IGSF9: variants seen among roughly 807,000 people sequenced by gnomAD.
IGSF9 encodes the protein immunoglobulin superfamily member 9.
IGSF9 carries 87 observed loss-of-function variants against 121.7 expected under a neutral mutation model. The observed-to-expected ratio is 0.71, with a 90% CI of 0.60 to 0.85. The LOEUF (loss-of-function observed/expected upper bound fraction) is 0.85. Among genes scored for constraint, IGSF9 ranks in the 40% least tolerant of loss-of-function variants. IGSF9 has a pLI of 0.00. For missense variants in IGSF9, 1,462 were observed against 1,565.3 expected (o/e 0.93, Z 1.11); for synonymous variants, 640 against 648.4 (o/e 0.99, Z 0.20).
At chr1:159,942,692 C>T (rs182170058) in intron 3 of IGSF9, among the ~76,000 whole-genome samples, 8 of 152,158 alleles carry the variant, frequency 5.3e-5, no homozygotes, top group African/African-American at 1.7e-4. Flanking sequence ...TGCAGGATCT[C>T]CTTTGGAACA....
rs1333017870 is a variant in IGSF9, at chr1:159,932,513, T to A, written c.1244A>T (p.Lys415Met). 4 of 1,535,534 alleles carry A rather than the reference T, an allele frequency of 2.6e-6. No homozygotes were observed. Among genetic ancestry groups the A allele is most frequent in the Non-Finnish European group, 3.5e-6 (4 of 1,132,130 alleles). The stretch of plus-strand genomic sequence containing the variant: ...GCCCCCGCCCACCCCCGGCCTAACC[T>A]TGAGCAGCACGCGGGTCACAGGAGA... Reference protein sequence around the residue: ...GPSPVTRVLLKAPPAFIERPK... With the variant: ...GPSPVTRVLLMAPPAFIERPK... The change falls in exon 10 of 21, where the codon AAG (lysine) becomes ATG (methionine). Residue 415 changes from lysine (K) to methionine (M), a missense_variant and splice_region_variant. By Grantham distance (95) the Lys-to-Met change is moderately conservative. This residue lies in a region of IGSF9 where 558 missense variants were observed against 599.4 expected (regional missense o/e 0.93). Transcript: ENST00000368094. The surrounding 1 kb of genome is among the most constrained non-coding windows in gnomAD (Gnocchi z 4.1).
intron 6 of IGSF9, among the ~76,000 whole-genome samples, chr1:159,935,184 GC>G: frequency 6.6e-6 from 1 of 152,042 alleles, no homozygotes; most frequent in East Asian, 1.9e-4. Context: ...TAACCCAGGT[GC>G]CCAATACCTC....
At chr1:159,928,124 G>A (rs1228177836) in intron 19 of IGSF9, 34 bp downstream of exon 19, 1 of 1,593,646 alleles carries the variant, frequency 6.3e-7, no homozygotes, top group African/African-American at 1.3e-5. Flanking sequence ...GTGGGACTGA[G>A]GCGGAGGCAG....
intron 3 of IGSF9, among the ~76,000 whole-genome samples, chr1:159,940,800 G>GA (rs1488054060): frequency 6.6e-6 from 1 of 152,088 alleles, no homozygotes; most frequent in Admixed American, 6.5e-5. Flanking sequence ...TCAGGGCAGA[G>GA]AAAAAAATGC....
intron 3 of IGSF9, among the ~76,000 whole-genome samples, chr1:159,939,559 G>A (rs1232444017): frequency 1.3e-5 from 2 of 152,204 alleles, no homozygotes; most frequent in East Asian, 1.9e-4. Context: ...TGCAAATGCA[G>A]CTCCAAGTCC....
intron 3 of IGSF9, among the ~76,000 whole-genome samples, chr1:159,938,920 G>T (rs1288213320): frequency 6.6e-6 from 1 of 152,032 alleles, no homozygotes; most frequent in Non-Finnish European, 1.5e-5. Flanking sequence ...CTCAAGTCCT[G>T]ACCCTGTCCC....
intron 4 of IGSF9, 83 bp downstream of exon 4, chr1:159,937,603 C>G: frequency 6.7e-7 from 1 of 1,484,622 alleles, no homozygotes; most frequent in Non-Finnish European, 9.3e-7. Flanking sequence ...ATAGAACTCC[C>G]TCTTCCCCTT....
In IGSF9 at chr1:159,929,910, C is replaced by A. The variant is rs1189149170; in HGVS notation, c.2130G>T (p.Thr710=). The part of the protein sequence containing the change: ...AGSFVSDPSN[T]ANVSTSGLEV... ...GCTCACCGGAAGTGGAGACGTTGGC[C>A]GTGTTGCTGGGGTCGCTGACGAAGC... The change falls in exon 16 of 21, where the codon ACG becomes ACT. Residue 710 remains threonine, a synonymous_variant. Transcript: ENST00000368094. 9 of 1,576,356 alleles carry A rather than the reference C, an allele frequency of 5.7e-6. No homozygotes were observed. The highest frequency in any genetic ancestry group is 1.2e-5 in the South Asian group (1 of 86,666).
rs763853097 is a variant in IGSF9 at position 159,928,145 on chromosome 1, G to A, written c.3230+13C>T. 3.1e-6 allele frequency: 5 copies of A among 1,602,792 alleles called. No homozygotes were observed. The Admixed American group carries it at 6.7e-5, about 21-fold the overall frequency. ...CTGAGGCGGAGGCAGGGATGGGCAG[G>A]GACTGCTCTCACCTCTTGCTGACTG... On this transcript the variant is annotated intron_variant, in intron 19 of 20. Coordinates refer to ENST00000368094, the MANE Select transcript of IGSF9 (RefSeq NM_001135050.2).
rs760663053 is a variant in IGSF9 at position 159,928,837 on chromosome 1, C to T, written c.2551G>A (p.Gly851Arg). ...ACAGTGGGCCCCATCACAAAGCGCC[C>T]GTCTGGGCCCCGGCAAATGGGCTCC... ...PLEPICRGPD[G>R]RFVMGPTVAA... Residue 851 changes from glycine (G) to arginine (R), a missense_variant, in exon 19 of 21, where the codon GGG (glycine) becomes AGG (arginine). Coordinates refer to ENST00000368094, the MANE Select transcript of IGSF9 (RefSeq NM_001135050.2). The T allele has an allele frequency of 7.1e-6, 11 of 1,549,652 alleles. No homozygotes were observed. The highest frequency in any genetic ancestry group is 3.4e-4 in the Middle Eastern group (2 of 5,802).
rs1456400525 is a variant in IGSF9, at chr1:159,927,349, AGCAGAGTGGCCTGTTCGGG to A, written c.3517_3535del (p.Pro1173CysfsTer5). On this transcript the variant is annotated frameshift_variant, in exon 21 of 21. Coordinates refer to ENST00000368094, the MANE Select transcript of IGSF9 (RefSeq NM_001135050.2). LOFTEE classifies it high-confidence loss of function. ...ACAGCCTCACATCAGGGATGTTCAC[AGCAGAGTGGCCTGTTCGGG>A]GTGGGGGACTGGCTGTCGATAGGCT... 12 of 1,613,480 alleles carry A rather than the reference AGCAGAGTGGCCTGTTCGGG, an allele frequency of 7.4e-6. No individual in the cohort carries two copies. Among genetic ancestry groups the A allele is most frequent in the Non-Finnish European group, 1.0e-5 (12 of 1,180,034 alleles).
Position 159,929,660 on chromosome 1 carries a change from G to A in IGSF9, c.2304C>T (p.Arg768=), listed in dbSNP as rs766957201. Residue 768 remains arginine, a synonymous_variant, in exon 17 of 21, where the codon CGC becomes CGT. Transcript: ENST00000368094. ...CLLNRRRAAR[R]RRKRLRQDPP... ...TACCTTGGCGGAGGCGCTTGCGGCGGCGGCGGGCAGCCCTGCGCCGGTTCA... is the reference window on the plus strand; with the variant it reads ...TACCTTGGCGGAGGCGCTTGCGGCGACGGCGGGCAGCCCTGCGCCGGTTCA... 1 of 1,594,024 alleles carries A rather than the reference G, an allele frequency of 6.3e-7. No homozygotes were observed. Among genetic ancestry groups the A allele is most frequent in the East Asian group, 2.3e-5 (1 of 44,070 alleles).
Position 159,934,187 on chromosome 1 carries a change from T to A in IGSF9, c.1104+3A>T, listed in dbSNP as rs762933554. On this transcript the variant is annotated splice_donor_region_variant and intron_variant, in intron 9 of 20. Coordinates refer to ENST00000368094, the MANE Select transcript of IGSF9 (RefSeq NM_001135050.2). ...CCCTCCTTCCCCTGCCCCAAGCCTG[T>A]ACCTTGTCCAGCTGCAGGGCCTTTC... 1 of 1,611,964 alleles carries A rather than the reference T, an allele frequency of 6.2e-7. No individual in the cohort carries two copies. Among genetic ancestry groups the A allele is most frequent in the Non-Finnish European group, 8.5e-7 (1 of 1,179,108 alleles).
At chr1:159,930,508 C>G in intron 14 of IGSF9, 69 bp from the exon 15 acceptor site, 1 of 1,518,408 alleles carries the variant, frequency 6.6e-7, no homozygotes, top group East Asian at 2.3e-5. Context: ...TCCACAACTC[C>G]CAGTGCCCAA....
At chr1:159,936,336 G>C (rs1651182314) in intron 6 of IGSF9, 63 bp downstream of exon 6, 5 of 1,421,496 alleles carry the variant, frequency 3.5e-6, no homozygotes, top group Non-Finnish European at 5.0e-6. Flanking sequence ...AACCAATTCA[G>C]CCACAGGTCA....
At chr1:159,943,994 A>G (rs1452657918) in intron 1 of IGSF9, among the ~76,000 whole-genome samples, 2 of 152,054 alleles carry the variant, frequency 1.3e-5, no homozygotes, top group Admixed American at 6.5e-5. Context: ...TGAAGGAAGT[A>G]TGGTAGATCA....
intron 17 of IGSF9, 44 bp downstream of exon 17, chr1:159,929,594 A>C: frequency 6.4e-7 from 1 of 1,566,718 alleles, no homozygotes; most frequent in South Asian, 1.2e-5. Flanking sequence ...TAAGGAGGCT[A>C]GGCCCAAGTG....
At position 159,929,948 on chromosome 1, in the gene IGSF9, C is replaced by CCACG; in HGVS notation, c.2088_2091dup (p.Ala698ArgfsTer103). ...TCGCTGACGAAGCTGCCCGCGAAGGCCACGAGGCGGAACTCGTAGAGAACA... is the reference window on the plus strand; with the variant it reads ...TCGCTGACGAAGCTGCCCGCGAAGGCCACGCACGAGGCGGAACTCGTAGAGAACA... On this transcript the variant is annotated frameshift_variant, in exon 16 of 21. Transcript: ENST00000368094. LOFTEE classifies it high-confidence loss of function. The CCACG allele has an allele frequency of 6.3e-7, 1 of 1,584,068 alleles. No homozygotes were observed. Among genetic ancestry groups the CCACG allele is most frequent in the Non-Finnish European group, 8.6e-7 (1 of 1,165,870 alleles).
chr1:159,937,199 G>A (rs866700478), intron 4 of IGSF9, among the ~76,000 whole-genome samples: 1 of 152,186 alleles, frequency 6.6e-6, no homozygotes, highest in African/African-American at 2.4e-5. Context: ...AGGAGGCCTG[G>A]GTCCTAGACT....
Sources: gnomAD v4.1 joint callset for allele counts (sites outside exome capture counted in the v4.1 genomes callset) on GRCh38, gnomAD v4.1.1 for gene constraint, gnomAD v4.1.1 regional missense constraint, Gnocchi (gnomAD v3.1) non-coding constraint, MANE v1.5 for transcripts, NCBI Gene and HGNC (gene_info 2026-07-23, HGNC 2026-07-21) for gene names.